The following SESTD1 variants were observed in gnomAD, a reference collection of about 807,000 sequenced individuals.
SESTD1 encodes SEC14 domain and spectrin repeat-containing protein 1.
A neutral mutation model predicts 101.7 loss-of-function variants in SESTD1; 43 were observed. The observed-to-expected ratio is 0.42, with a 90% CI of 0.33 to 0.55. The LOEUF (loss-of-function observed/expected upper bound fraction) is 0.55, where lower values mean the gene tolerates loss of function less well. Among genes scored for constraint, SESTD1 ranks in the 20% least tolerant of loss-of-function variants. SESTD1 has a pLI of 0.07. For missense variants in SESTD1, 647 were observed against 815.1 expected (o/e 0.79, Z 2.51); for synonymous variants, 283 against 286.8 (o/e 0.99, Z 0.13).
chr2:179,244,899 C>T (rs900823949), intron 1 of SESTD1, among the ~76,000 whole-genome samples: 1 of 151,992 alleles, frequency 6.6e-6, no homozygotes. Flanking sequence ...GGGTAAAGAG[C>T]CATAAAGGAG....
chr2:179,155,382 C>T (rs985015129), intron 5 of SESTD1, among the ~76,000 whole-genome samples: 1 of 152,076 alleles, frequency 6.6e-6, no homozygotes, highest in African/African-American at 2.4e-5. Flanking sequence ...TACATTTATT[C>T]TATGAGTAAA....
intron 7 of SESTD1, among the ~76,000 whole-genome samples, chr2:179,146,931 G>A (rs2045409056): frequency 6.6e-6 from 1 of 151,800 alleles, no homozygotes. Flanking sequence ...GTGTGTGTGT[G>A]TGTGTGTGTG....
intron 1 of SESTD1, among the ~76,000 whole-genome samples, chr2:179,244,527 G>A (rs534700864): frequency 6.6e-6 from 1 of 150,946 alleles, no homozygotes; most frequent in South Asian, 2.1e-4. Flanking sequence ...TTTTTCAAGT[G>A]ATGAAGCAAG....
chr2:179,114,921 T>C, intron 16 of SESTD1, 144 bp downstream of exon 16: 2 of 717,774 alleles, frequency 2.8e-6, no homozygotes, highest in South Asian at 4.1e-5. Context: ...AGGCAATGTA[T>C]TATATCTAAA....
At chr2:179,154,481 G>C (rs1559117693) in intron 5 of SESTD1, among the ~76,000 whole-genome samples, 1 of 152,102 alleles carries the variant, frequency 6.6e-6, no homozygotes, top group African/African-American at 2.4e-5. Flanking sequence ...AATTTTTAAT[G>C]AAGTAAGAGA....
chr2:179,262,775 T>A (rs1162673185), intron 1 of SESTD1, among the ~76,000 whole-genome samples: 1 of 152,242 alleles, frequency 6.6e-6, no homozygotes, highest in Admixed American at 6.5e-5. Flanking sequence ...TTCTTAATTA[T>A]TGGACATTTC....
intron 2 of SESTD1, among the ~76,000 whole-genome samples, chr2:179,183,968 T>G (rs1352315301): frequency 6.6e-6 from 1 of 152,004 alleles, no homozygotes; most frequent in Non-Finnish European, 1.5e-5. Context: ...AAGAGTATTC[T>G]GTGATGAGGA....
intron 1 of SESTD1, among the ~76,000 whole-genome samples, chr2:179,216,958 C>T (rs1189189740): frequency 6.6e-6 from 1 of 150,830 alleles, no homozygotes; most frequent in Non-Finnish European, 1.5e-5. Flanking sequence ...GGATCCCTTC[C>T]TTAAACCTTA....
rs564040195 is a variant in SESTD1, at chr2:179,208,402, A to G, written c.-25-16536T>C. Among the ~76,000 whole-genome samples the G allele has an allele frequency of 3.7e-5, 5 of 135,014 alleles. 1 individual carries two copies. The highest frequency in any genetic ancestry group is 8.0e-5 in the Non-Finnish European group (5 of 62,738). 88.6% of individuals were successfully genotyped at this position (135,014 alleles called of 152,430 possible). A position where few individuals can be genotyped will look rare whatever the true frequency, so the allele number is the denominator to read the frequency against. On this transcript the variant is annotated intron_variant, in intron 1 of 17. Transcript: ENST00000428443. ...CCAGGAAATTCTTTGCAAAAAGATAATCACCTAGGCACATAGTTTTCAGGA... is the reference window on the plus strand; with the variant it reads ...CCAGGAAATTCTTTGCAAAAAGATAGTCACCTAGGCACATAGTTTTCAGGA...
At chr2:179,249,630 C>T (rs182318473) in intron 1 of SESTD1, among the ~76,000 whole-genome samples, 6 of 152,054 alleles carry the variant, frequency 3.9e-5, no homozygotes, top group African/African-American at 1.2e-4. Flanking sequence ...ATAATTCTAT[C>T]AAAATTCTTT....
chr2:179,109,587 T>C lies in SESTD1; in HGVS notation c.*312A>G, dbSNP rs1402482187. 1 of 419,702 alleles carries C rather than the reference T, an allele frequency of 2.4e-6. No homozygotes were observed. Among genetic ancestry groups the C allele is most frequent in the Non-Finnish European group, 4.2e-6 (1 of 238,226 alleles). The allele number at this position is 419,702 out of a possible 1,614,324, so 26.0% of individuals were successfully genotyped here. The stretch of plus-strand genomic sequence containing the variant: ...TAATAGAGAGAATTCCTACTCTTAT[T>C]AGCACCATTCAAAGCTTATTATCAG... On this transcript the variant is annotated 3_prime_UTR_variant, in exon 18 of 18. Transcript: ENST00000428443.
In SESTD1 at chr2:179,124,542, T is replaced by G; in HGVS notation, c.989A>C (p.Tyr330Ser). The G allele has an allele frequency of 6.2e-7, 1 of 1,613,842 alleles. No homozygotes were observed. Among genetic ancestry groups the G allele is most frequent in the Non-Finnish European group, 8.5e-7 (1 of 1,179,814 alleles). Reference protein sequence around the residue: ...ESQHSEWFAVYVELNQQIAAL... With the variant: ...ESQHSEWFAVSVELNQQIAAL... ...TGCAATTTGCTGATTAAGTTCCACA[T>G]ACACTGCAAACCATTCCTGTAATCA... The change falls in exon 11 of 18, where the codon TAT (tyrosine) becomes TCT (serine). Residue 330 changes from tyrosine to serine, a missense_variant. Transcript: ENST00000428443.
At chr2:179,175,933 T>G (rs999818781) in intron 4 of SESTD1, among the ~76,000 whole-genome samples, 1 of 152,174 alleles carries the variant, frequency 6.6e-6, no homozygotes, top group African/African-American at 2.4e-5. Context: ...ACACAGCTGG[T>G]AAGTTTCTTC....
chr2:179,138,788 C>G (rs2105435929), intron 9 of SESTD1, among the ~76,000 whole-genome samples: 1 of 148,686 alleles, frequency 6.7e-6, no homozygotes, highest in African/African-American at 2.5e-5. Context: ...GGAGGGTCAC[C>G]TGAGCCTGGG....
At chr2:179,241,557 G>C (rs955646770) in intron 1 of SESTD1, among the ~76,000 whole-genome samples, 2 of 152,054 alleles carry the variant, frequency 1.3e-5, no homozygotes, top group African/African-American at 4.8e-5. Flanking sequence ...CATGATGGGG[G>C]CTCAAGCAGG....
chr2:179,172,332 G>T, intron 4 of SESTD1, 99 bp from the exon 5 acceptor site: 1 of 642,534 alleles, frequency 1.6e-6, no homozygotes, highest in Non-Finnish European at 2.5e-6. Flanking sequence ...CTACATAAGA[G>T]ATTTTTGGAG....
At chr2:179,254,330 C>A (rs546713418) in intron 1 of SESTD1, among the ~76,000 whole-genome samples, 4 of 152,180 alleles carry the variant, frequency 2.6e-5, no homozygotes, top group African/African-American at 9.6e-5. Flanking sequence ...CTCACTTTTT[C>A]CACCAACCTC....
rs760906467 is a variant in SESTD1 at position 179,109,959 on chromosome 2, T to C, written c.2031A>G (p.Lys677=). 4.3e-6 allele frequency: 7 copies of C among 1,613,950 alleles called. No individual in the cohort carries two copies. In the East Asian group the frequency reaches 1.3e-4, roughly 31 times the overall value. ...GCTGCTGCCTTTTGAGATTAACTAG[T>C]TTCATCCTGTCTCTGATGTTTTCTG... ...STAENIRDRM[K]LVNLKRQQLR... is the part of the protein sequence containing the mutation. Residue 677 remains lysine, a synonymous_variant, in exon 18 of 18, where the codon AAA becomes AAG. Transcript: ENST00000428443.
chr2:179,132,514 C>T, intron 9 of SESTD1, 88 bp from the exon 10 acceptor site: 2 of 1,428,502 alleles, frequency 1.4e-6, no homozygotes, highest in Non-Finnish European at 9.4e-7. Context: ...TCCCAAAGTT[C>T]CCCAATTATT....
Sources: gnomAD v4.1 joint callset for allele counts (sites outside exome capture counted in the v4.1 genomes callset) on GRCh38, gnomAD v4.1.1 for gene constraint, MANE v1.5 for transcripts, NCBI Gene and HGNC (gene_info 2026-07-23, HGNC 2026-07-21) for gene names.